The following GABRB2 variants were observed in gnomAD, a reference collection of about 807,000 sequenced individuals.
GABRB2 encodes the protein gamma-aminobutyric acid type A receptor subunit beta2.
Under a neutral mutation model 54.7 loss-of-function variants are expected in GABRB2, and 16 were observed. The ratio of observed to expected loss-of-function variants is 0.29; its 90% CI spans 0.20 to 0.44. GABRB2 has a LOEUF of 0.44. Ranked by LOEUF, GABRB2 falls within the 20% of genes least tolerant of loss-of-function variation. The pLI is 1.00. For synonymous variants in GABRB2, 244 were observed against 233.8 expected, an observed-to-expected ratio of 1.04 and a Z score of -0.40; for missense variants, 355 against 644.0, an observed-to-expected ratio of 0.55 and a Z score of 4.86.
At chr5:161,306,445 C>T (rs937387237) in intron 9 of GABRB2, among the ~76,000 whole-genome samples, 2 of 152,206 alleles carry the variant, frequency 1.3e-5, no homozygotes, top group Non-Finnish European at 2.9e-5. Flanking sequence ...CCTACTCCTA[C>T]CTCCTCTTGT....
In GABRB2 at chr5:161,368,623, C is replaced by G. The variant is rs963880792; in HGVS notation, c.542-31854G>C. ...GGCTGCCTGTTCGAGATGTCGCATA[C>G]TCTGCACACCTGGACAAACTGATGT... On this transcript the variant is annotated intron_variant, in intron 5 of 9. Transcript: ENST00000393959. Among the ~76,000 whole-genome samples the G allele has an allele frequency of 2.0e-5, 3 of 152,164 alleles. No individual in the cohort carries two copies. The East Asian group carries it at 5.8e-4, about 29-fold the overall frequency.
At chr5:161,468,919 CACAT>C (rs373488967) in intron 3 of GABRB2, among the ~76,000 whole-genome samples, 47 of 151,726 alleles carry the variant, frequency 3.1e-4, no homozygotes, top group African/African-American at 1.1e-3. Flanking sequence ...TATAATGAAA[CACAT>C]ACAGTCATAC....
rs376016616 is a variant in GABRB2 at position 161,369,260 on chromosome 5, C to T, written c.542-32491G>A. Among the ~76,000 whole-genome samples the T allele has an allele frequency of 1.2e-4, 18 of 152,152 alleles. No homozygotes were observed. The East Asian group carries it at 1.7e-3, about 15-fold the overall frequency. On this transcript the variant is annotated intron_variant, in intron 5 of 9. Coordinates refer to ENST00000393959, the MANE Select transcript of GABRB2 (RefSeq NM_001371727.1). ...ATTTCCTGCAGGGAAACTGGCAGCTCCTGCTGTGAGACCATTGAATTGTTC... is the reference window on the plus strand; with the variant it reads ...ATTTCCTGCAGGGAAACTGGCAGCTTCTGCTGTGAGACCATTGAATTGTTC...
chr5:161,500,067 A>G (rs1759383424), intron 3 of GABRB2, among the ~76,000 whole-genome samples: 1 of 152,212 alleles, frequency 6.6e-6, no homozygotes, highest in Admixed American at 6.5e-5. Flanking sequence ...AGCTTTAAAA[A>G]TAATTGAATA....
At chr5:161,491,056 C>T (rs1581030028) in intron 3 of GABRB2, among the ~76,000 whole-genome samples, 1 of 151,520 alleles carries the variant, frequency 6.6e-6, no homozygotes, top group East Asian at 1.9e-4. Context: ...TAGATAAAGC[C>T]AGCATTATAA....
At chr5:161,330,760 GA>G (rs1753814413) in intron 8 of GABRB2, 122 bp downstream of exon 8, 5 of 1,366,132 alleles carry the variant, frequency 3.7e-6, no homozygotes, top group Admixed American at 2.1e-5. Context: ...GTGCTTTGGG[GA>G]AAATTACCCA....
chr5:161,457,571 G>A lies in GABRB2; in HGVS notation c.458+2053C>T, dbSNP rs1030957375. On this transcript the variant is annotated intron_variant, in intron 4 of 9. Transcript: ENST00000393959. ...CACCATTCTCCTGCCTCAGCCTCCCGAGTAGCTGGGACTACAGGCCCCCGC... is the reference window on the plus strand; with the variant it reads ...CACCATTCTCCTGCCTCAGCCTCCCAAGTAGCTGGGACTACAGGCCCCCGC... Among the ~76,000 whole-genome samples, 32 of 150,762 alleles carry A rather than the reference G, an allele frequency of 2.1e-4. No individual in the cohort carries two copies. The South Asian group carries it at 2.5e-3, about 12-fold the overall frequency.
At chr5:161,311,283 C>A (rs897409013) in intron 9 of GABRB2, among the ~76,000 whole-genome samples, 1 of 152,144 alleles carries the variant, frequency 6.6e-6, no homozygotes, top group Non-Finnish European at 1.5e-5. Flanking sequence ...GCTGAGTAAC[C>A]CTGGCTTCTT....
intron 5 of GABRB2, among the ~76,000 whole-genome samples, chr5:161,341,213 G>A (rs1193986069): frequency 6.6e-6 from 1 of 151,830 alleles, no homozygotes. Flanking sequence ...ATATTTAGCA[G>A]TCTCTCAAAG....
At chr5:161,338,236 C>G (rs1053920914) in intron 5 of GABRB2, among the ~76,000 whole-genome samples, 3 of 152,086 alleles carry the variant, frequency 2.0e-5, no homozygotes, top group African/African-American at 4.8e-5. Flanking sequence ...ATAAGAGTAG[C>G]CATCTTTATC....
intron 2 of GABRB2, 38 bp downstream of exon 2, chr5:161,546,284 G>C: frequency 2.0e-6 from 3 of 1,535,838 alleles, no homozygotes; most frequent in East Asian, 2.2e-5. Flanking sequence ...AGACAGCTTC[G>C]GCTGTGGCTG....
intron 4 of GABRB2, among the ~76,000 whole-genome samples, chr5:161,430,503 C>T (rs1051454880): frequency 3.9e-5 from 6 of 152,028 alleles, no homozygotes; most frequent in African/African-American, 1.4e-4. Flanking sequence ...CCAGAGTTGA[C>T]CATTTTCTAG....
chr5:161,457,507 G>A (rs1202506784), intron 4 of GABRB2, among the ~76,000 whole-genome samples: 2 of 148,838 alleles, frequency 1.3e-5, no homozygotes, highest in Non-Finnish European at 3.0e-5. Context: ...GTGCAGTGGC[G>A]CGATCTCGGC....
chr5:161,514,578 C>CGT (rs145160394), intron 3 of GABRB2, among the ~76,000 whole-genome samples: 3,628 of 150,568 alleles, frequency 0.024, 94 homozygotes, highest in African/African-American at 0.067. Context: ...AGTATATATA[C>CGT]GTGTGTGTGT....
chr5:161,528,659 G>A (rs564601342), intron 3 of GABRB2, among the ~76,000 whole-genome samples: 5 of 151,784 alleles, frequency 3.3e-5, no homozygotes, highest in South Asian at 4.2e-4. Flanking sequence ...CCTAAGGATT[G>A]TTTGCTTTCC....
At chr5:161,482,806 G>A (rs1392648662) in intron 3 of GABRB2, among the ~76,000 whole-genome samples, 2 of 152,020 alleles carry the variant, frequency 1.3e-5, no homozygotes, top group Non-Finnish European at 2.9e-5. Context: ...ATATTTAATT[G>A]TTACTTATAA....
chr5:161,327,399 AT>A (rs370109186), intron 8 of GABRB2, among the ~76,000 whole-genome samples: 6 of 150,018 alleles, frequency 4.0e-5, no homozygotes, highest in African/African-American at 7.3e-5. Context: ...ATTTTATTTT[AT>A]TTTTTTTTGC....
chr5:161,305,780 A>G (rs752942802), intron 9 of GABRB2, among the ~76,000 whole-genome samples: 32 of 152,248 alleles, frequency 2.1e-4, no homozygotes, highest in African/African-American at 3.9e-4. Flanking sequence ...GACTGGAGAC[A>G]GTCCAGTCAG....
intron 9 of GABRB2, among the ~76,000 whole-genome samples, chr5:161,303,167 G>A (rs563883854): frequency 6.6e-6 from 1 of 152,110 alleles, no homozygotes; most frequent in Non-Finnish European, 1.5e-5. Flanking sequence ...AGAAATTCAT[G>A]GCTTGTTCGA....
Sources: allele counts gnomAD v4.1 joint callset (sites outside exome capture counted in the v4.1 genomes callset), GRCh38; gene constraint gnomAD v4.1.1; transcripts MANE v1.5; gene names NCBI Gene and HGNC (gene_info 2026-07-23, HGNC 2026-07-21).